Variants in ATP8A1 observed in about 807,000 individuals in gnomAD.
ATP8A1 encodes phospholipid-transporting ATPase IA.
Under a neutral mutation model 177.7 loss-of-function variants are expected in ATP8A1, and 90 were observed. The ratio of observed to expected loss-of-function variants is 0.51; its 90% CI spans 0.43 to 0.60. ATP8A1 has a LOEUF of 0.60. Ranked by LOEUF, ATP8A1 falls within the 20% of genes least tolerant of loss-of-function variation. ATP8A1 has a pLI of 0.00. For missense variants in ATP8A1, 1,072 were observed against 1,392.8 expected (o/e 0.77, Z 3.67); for synonymous variants, 493 against 485.9 (o/e 1.01, Z -0.19).
At chr4:42,643,848 C>T (rs1478639904) in intron 1 of ATP8A1, among the ~76,000 whole-genome samples, 1 of 152,164 alleles carries the variant, frequency 6.6e-6, no homozygotes, top group Admixed American at 6.5e-5. Context: ...TTTGAAGGGC[C>T]AGAACACACA....
chr4:42,641,331 A>G (rs1739970663), intron 1 of ATP8A1, among the ~76,000 whole-genome samples: 1 of 152,184 alleles, frequency 6.6e-6, no homozygotes, highest in South Asian at 2.1e-4. Flanking sequence ...CTTTCTTATC[A>G]AGAAAAAATC....
chr4:42,491,692 C>T (rs542278179), intron 24 of ATP8A1, among the ~76,000 whole-genome samples: 4 of 152,276 alleles, frequency 2.6e-5, no homozygotes, highest in African/African-American at 4.8e-5. Flanking sequence ...AACAAGCTAA[C>T]GAACCCACAG....
At chr4:42,641,859 A>G (rs1255299175) in intron 1 of ATP8A1, among the ~76,000 whole-genome samples, 1 of 152,240 alleles carries the variant, frequency 6.6e-6, no homozygotes, top group Non-Finnish European at 1.5e-5. Flanking sequence ...GTTTTATTAC[A>G]AGAAGCAGAA....
chr4:42,613,518 A>T (rs557982615), intron 5 of ATP8A1, among the ~76,000 whole-genome samples: 1 of 152,200 alleles, frequency 6.6e-6, no homozygotes, highest in Non-Finnish European at 1.5e-5. Context: ...AATAGTAAAT[A>T]TGTAAATAGC....
chr4:42,462,183 G>T (rs1312776407), intron 27 of ATP8A1, among the ~76,000 whole-genome samples: 2 of 152,254 alleles, frequency 1.3e-5, no homozygotes, highest in East Asian at 3.8e-4. Context: ...ATGGAAGCAG[G>T]CTGCAGAAAT....
rs375054955 is a variant in ATP8A1, at chr4:42,494,439, C to T, written c.2152-8771G>A. Among the ~76,000 whole-genome samples the T allele has an allele frequency of 2.6e-5, 4 of 152,312 alleles. No individual in the cohort carries two copies. The East Asian group carries it at 7.7e-4, about 29-fold the overall frequency. ...GCAGTGAGCCGAGATCACGCCACTG[C>T]ACTCCAGACTGGGCGACAGAGTGAG... On this transcript the variant is annotated intron_variant, in intron 24 of 36. Coordinates refer to ENST00000381668, the MANE Select transcript of ATP8A1 (RefSeq NM_006095.2).
chr4:42,613,996 C>T (rs1736650842), intron 5 of ATP8A1, among the ~76,000 whole-genome samples: 1 of 151,940 alleles, frequency 6.6e-6, no homozygotes, highest in Non-Finnish European at 1.5e-5. Flanking sequence ...ATAGCTAAGC[C>T]CTAATATTTC....
At position 42,603,363 on chromosome 4, in the gene ATP8A1, C is replaced by T. The variant is rs1024940826; in HGVS notation, c.410-2845G>A. On this transcript the variant is annotated intron_variant, in intron 5 of 36. Coordinates refer to ENST00000381668, the MANE Select transcript of ATP8A1 (RefSeq NM_006095.2). ...GTTATTTTTTATTCTATATTCCAGT[C>T]ATTGGCAATATTTAGAAATGCATTA... is the stretch of plus-strand genomic sequence containing the variant. Among the ~76,000 whole-genome samples the T allele has an allele frequency of 5.3e-5, 8 of 152,270 alleles. 1 individual carries two copies. The highest frequency in any genetic ancestry group is 6.8e-3 in the Middle Eastern group (2 of 294).
chr4:42,640,561 G>A (rs1422587054), intron 1 of ATP8A1, among the ~76,000 whole-genome samples: 1 of 152,164 alleles, frequency 6.6e-6, no homozygotes, highest in Non-Finnish European at 1.5e-5. Context: ...CTCAGCATCT[G>A]GATTTCAAGA....
intron 14 of ATP8A1, among the ~76,000 whole-genome samples, chr4:42,573,617 TTA>T (rs2109323969): frequency 6.6e-6 from 1 of 152,310 alleles, no homozygotes; most frequent in African/African-American, 2.4e-5. Flanking sequence ...TACATATAGT[TTA>T]TAGTCATTTT....
At chr4:42,552,946 A>G (rs1392565928) in intron 16 of ATP8A1, among the ~76,000 whole-genome samples, 2 of 152,236 alleles carry the variant, frequency 1.3e-5, no homozygotes, top group African/African-American at 4.8e-5. Flanking sequence ...AGATTGCAAC[A>G]TTGTACTCTA....
At position 42,636,397 on chromosome 4, in the gene ATP8A1, C is replaced by T. The variant is rs56963221; in HGVS notation, c.50-9288G>A. On this transcript the variant is annotated intron_variant, in intron 1 of 36. Coordinates refer to ENST00000381668, the MANE Select transcript of ATP8A1 (RefSeq NM_006095.2). ...GAGCCTGACAGCAGCTGTTCAGAGA[C>T]GGGTAGGGGGAGAGAGAGAGAGAGA... 8.2e-3 allele frequency among the ~76,000 whole-genome samples: 872 copies of T among 106,202 alleles called. 9 individuals are homozygous for T. Among genetic ancestry groups the T allele is most frequent in the African/African-American group, 0.023 (826 of 35,566 alleles). The allele number at this position is 106,202 out of a possible 152,430, so 69.7% of individuals were successfully genotyped here. A position where few individuals can be genotyped will look rare whatever the true frequency, so the allele number is the denominator to read the frequency against.
At chr4:42,528,546 T>C (rs1578111051) in intron 20 of ATP8A1, among the ~76,000 whole-genome samples, 1 of 151,998 alleles carries the variant, frequency 6.6e-6, no homozygotes, top group African/African-American at 2.4e-5. Context: ...TGTGGTTTCA[T>C]TGCTTGAGCA....
intron 24 of ATP8A1, among the ~76,000 whole-genome samples, chr4:42,497,884 G>A (rs1723444523): frequency 6.6e-6 from 1 of 152,176 alleles, no homozygotes; most frequent in Admixed American, 6.5e-5. Flanking sequence ...TAAGCAGTGT[G>A]CCAGACAATA....
At chr4:42,557,521 C>A (rs1730365419) in intron 15 of ATP8A1, among the ~76,000 whole-genome samples, 1 of 152,138 alleles carries the variant, frequency 6.6e-6, no homozygotes, top group Non-Finnish European at 1.5e-5. Flanking sequence ...CCGTTTAAAT[C>A]TGAAGATATG....
chr4:42,559,207 A>C (rs929683062), intron 15 of ATP8A1, among the ~76,000 whole-genome samples: 4 of 152,226 alleles, frequency 2.6e-5, no homozygotes, highest in Non-Finnish European at 4.4e-5. Flanking sequence ...AAACACAACC[A>C]ACTTCTGCAA....
At chr4:42,429,030 T>A (rs1714952887) in intron 33 of ATP8A1, among the ~76,000 whole-genome samples, 1 of 152,206 alleles carries the variant, frequency 6.6e-6, no homozygotes, top group Admixed American at 6.5e-5. Flanking sequence ...AGATGTTCAA[T>A]AAATAATTGC....
rs745763505 is a variant in ATP8A1, at chr4:42,446,616, C to A, written c.2925G>T (p.Ser975=). 2.7e-5 allele frequency: 44 copies of A among 1,613,792 alleles called. No individual in the cohort carries two copies. Among genetic ancestry groups the A allele is most frequent in the Middle Eastern group, 1.6e-4 (1 of 6,084 alleles). The part of the protein sequence containing the change: ...YGTAFGNGKT[S]DYLLLGNFVY... Reference sequence around the variant, plus strand: ...CAAAGTTTCCCAGTAGCAGATAATCCGAGGTTTTCCCATTTCCAAATGCAG... The same window carrying A: ...CAAAGTTTCCCAGTAGCAGATAATCAGAGGTTTTCCCATTTCCAAATGCAG... The change falls in exon 31 of 37, where the codon TCG becomes TCT. Residue 975 remains serine, a synonymous_variant. Coordinates refer to ENST00000381668, the MANE Select transcript of ATP8A1 (RefSeq NM_006095.2).
chr4:42,599,686 C>T (rs1044341676), intron 6 of ATP8A1, among the ~76,000 whole-genome samples: 9 of 152,178 alleles, frequency 5.9e-5, no homozygotes, highest in African/African-American at 1.9e-4. Flanking sequence ...TGCAAATAAA[C>T]TGTTGGTTAC....
Sources: allele counts gnomAD v4.1 joint callset (sites outside exome capture counted in the v4.1 genomes callset), GRCh38; gene constraint gnomAD v4.1.1; transcripts MANE v1.5; gene names NCBI Gene and HGNC (gene_info 2026-07-23, HGNC 2026-07-21).